DOCK3: variants seen among roughly 807,000 people sequenced by gnomAD.
The protein encoded by DOCK3 is dedicator of cytokinesis 3.
In DOCK3, 60 loss-of-function variants were observed where a neutral mutation model predicts 265.6. The observed-to-expected ratio is 0.23, with a 90% CI of 0.18 to 0.28. DOCK3 has a LOEUF of 0.28. Ranked by LOEUF, DOCK3 falls within the 10% of genes least tolerant of loss-of-function variation. DOCK3 has a pLI of 1.00. For missense variants in DOCK3, 1,981 were observed against 2,594.3 expected (o/e 0.76, Z 5.14); for synonymous variants, 881 against 938.0 (o/e 0.94, Z 1.11).
intron 3 of DOCK3, among the ~76,000 whole-genome samples, chr3:50,876,405 A>G (rs755897640): frequency 1.3e-5 from 2 of 152,170 alleles, no homozygotes; most frequent in African/African-American, 2.4e-5. Flanking sequence ...TAAATATTTT[A>G]AGGTTTAAAA....
At chr3:50,906,637 A>G (rs2049519032) in intron 4 of DOCK3, among the ~76,000 whole-genome samples, 2 of 151,702 alleles carry the variant, frequency 1.3e-5, no homozygotes, top group South Asian at 4.2e-4. Context: ...TATTGCATCT[A>G]TTTGGTTATT....
At chr3:50,933,921 A>G in intron 4 of DOCK3, 60 bp from the exon 5 acceptor site, 1 of 1,123,014 alleles carries the variant, frequency 8.9e-7, no homozygotes, top group South Asian at 1.8e-5. Context: ...AAGACAGGAG[A>G]CAGTTTGCCG....
At chr3:50,820,277 C>T (rs58911362) in intron 2 of DOCK3, among the ~76,000 whole-genome samples, 3,797 of 152,280 alleles carry the variant, frequency 0.025, 182 homozygotes, top group African/African-American at 0.087. Context: ...CATGGCCTCC[C>T]AGCTAAACCC....
intron 12 of DOCK3, among the ~76,000 whole-genome samples, chr3:51,201,080 G>T (rs2088727598): frequency 1.3e-5 from 2 of 151,660 alleles, no homozygotes; most frequent in Non-Finnish European, 2.9e-5. Context: ...ATGCCAAAAT[G>T]TAAAGACCAT....
chr3:51,269,860 C>G (rs968606538), intron 23 of DOCK3, among the ~76,000 whole-genome samples: 1 of 152,130 alleles, frequency 6.6e-6, no homozygotes. Context: ...ATACCAGTAT[C>G]AAGACATAAG....
chr3:50,858,452 AAAAAT>A (rs1559732475), intron 3 of DOCK3, among the ~76,000 whole-genome samples: 1 of 150,862 alleles, frequency 6.6e-6, no homozygotes, highest in African/African-American at 2.4e-5. Flanking sequence ...TAATAATAAT[AAAAAT>A]AAAATGTTTA....
chr3:50,680,546 T>C (rs1293599466), intron 1 of DOCK3, among the ~76,000 whole-genome samples: 1 of 146,898 alleles, frequency 6.8e-6, no homozygotes, highest in East Asian at 2.0e-4. Context: ...TAAGACGAGG[T>C]CTTGCTATGT....
At chr3:50,949,195 T>TTTTTTTTA (rs2076526213) in intron 5 of DOCK3, among the ~76,000 whole-genome samples, 1 of 152,164 alleles carries the variant, frequency 6.6e-6, no homozygotes, top group Non-Finnish European at 1.5e-5. Flanking sequence ...AAACTTGTTC[T>TTTTTTTTA]TTGGAATATA....
At chr3:51,353,603 C>T (rs938794396) in intron 40 of DOCK3, among the ~76,000 whole-genome samples, 2 of 152,078 alleles carry the variant, frequency 1.3e-5, no homozygotes, top group African/African-American at 4.8e-5. Context: ...GAGAGTGAGA[C>T]TCTTATCTCA....
At chr3:51,013,966 T>C (rs1379935048) in intron 5 of DOCK3, among the ~76,000 whole-genome samples, 2 of 152,214 alleles carry the variant, frequency 1.3e-5, no homozygotes, top group African/African-American at 4.8e-5. Flanking sequence ...TGGGACCCAC[T>C]GAGCCATGCG....
chr3:51,076,375 AG>A (rs1472790833), intron 7 of DOCK3, among the ~76,000 whole-genome samples: 1 of 152,202 alleles, frequency 6.6e-6, no homozygotes, highest in Non-Finnish European at 1.5e-5. Context: ...CTGAAGTGAT[AG>A]GATCGCTTGA....
At chr3:50,718,351 A>G (rs2037256752) in intron 1 of DOCK3, among the ~76,000 whole-genome samples, 1 of 152,124 alleles carries the variant, frequency 6.6e-6, no homozygotes, top group Non-Finnish European at 1.5e-5. Flanking sequence ...TTTATTCTCT[A>G]AGGACATCTT....
chr3:50,950,144 T>C (rs2076549901), intron 5 of DOCK3, among the ~76,000 whole-genome samples: 1 of 152,168 alleles, frequency 6.6e-6, no homozygotes, highest in African/African-American at 2.4e-5. Context: ...TTGACAGTCC[T>C]TTCTGCCTGT....
chr3:51,368,252 G>A (rs907040521), intron 49 of DOCK3, among the ~76,000 whole-genome samples: 10 of 152,130 alleles, frequency 6.6e-5, no homozygotes, highest in Non-Finnish European at 1.5e-4. Context: ...GGAGCAGGGC[G>A]GGGCATTGCC....
chr3:50,776,215 A>C (rs2041588964), intron 1 of DOCK3, among the ~76,000 whole-genome samples: 1 of 152,140 alleles, frequency 6.6e-6, no homozygotes, highest in African/African-American at 2.4e-5. Context: ...GCAGTGTAAA[A>C]GTGTTCCTTT....
At chr3:50,943,138 TAAAA>T (rs1432056910) in intron 5 of DOCK3, among the ~76,000 whole-genome samples, 2 of 151,882 alleles carry the variant, frequency 1.3e-5, no homozygotes, top group Non-Finnish European at 2.9e-5. Flanking sequence ...TTTAGCAACT[TAAAA>T]AAATAATGCT....
chr3:51,104,031 A>G (rs1294153261), intron 9 of DOCK3, among the ~76,000 whole-genome samples: 1 of 152,254 alleles, frequency 6.6e-6, no homozygotes, highest in African/African-American at 2.4e-5. Flanking sequence ...GAAGGGAGCT[A>G]GAACATGGGA....
chr3:50,959,556 G>GTATA (rs1415565965), intron 5 of DOCK3, among the ~76,000 whole-genome samples: 1 of 141,490 alleles, frequency 7.1e-6, no homozygotes, highest in Admixed American at 7.2e-5. Flanking sequence ...GTGTGTGTGT[G>GTATA]TGTATATATA....
At chr3:51,238,866 G>A (rs1424335218) in intron 21 of DOCK3, among the ~76,000 whole-genome samples, 2 of 152,094 alleles carry the variant, frequency 1.3e-5, no homozygotes, top group African/African-American at 4.8e-5. Context: ...CCATTGATAG[G>A]CATTTAGCTT....
Sources: gnomAD v4.1 joint callset for allele counts (sites outside exome capture counted in the v4.1 genomes callset) on GRCh38, gnomAD v4.1.1 for gene constraint, MANE v1.5 for transcripts, NCBI Gene and HGNC (gene_info 2026-07-23, HGNC 2026-07-21) for gene names.